CMTM8: variants seen among roughly 807,000 people sequenced by gnomAD.
CMTM8 encodes CKLF like MARVEL transmembrane domain containing 8.
In CMTM8, 12 loss-of-function variants were observed where a neutral mutation model predicts 18.6. The observed-to-expected ratio is 0.65, with a 90% CI of 0.41 to 1.05. CMTM8 has a LOEUF of 1.05. Ranked by LOEUF, CMTM8 falls within the 50% of genes least tolerant of loss-of-function variation. The pLI is 0.00. For synonymous variants in CMTM8, 87 were observed against 90.6 expected (o/e 0.96, Z 0.23); for missense variants, 217 against 227.2 (o/e 0.95, Z 0.29).
intron 1 of CMTM8, among the ~76,000 whole-genome samples, chr3:32,339,740 G>A (rs1178413541): frequency 4.6e-5 from 7 of 152,144 alleles, no homozygotes; most frequent in African/African-American, 1.7e-4. Context: ...GAGGCGGGCG[G>A]ATCATGAGGT....
intron 1 of CMTM8, among the ~76,000 whole-genome samples, chr3:32,327,034 C>T (rs999497397): frequency 1.3e-5 from 2 of 151,940 alleles, no homozygotes; most frequent in African/African-American, 4.8e-5. Context: ...TTCTTGTATA[C>T]ACTGGCCTTG....
At chr3:32,357,620 C>G in intron 2 of CMTM8, 74 bp downstream of exon 2, 11 of 1,432,454 alleles carry the variant, frequency 7.7e-6, no homozygotes, top group Non-Finnish European at 9.6e-6. Flanking sequence ...CTAGTCAATC[C>G]AAGACTGTCT....
chr3:32,306,393 G>A (rs912563718), intron 1 of CMTM8, among the ~76,000 whole-genome samples: 1 of 152,210 alleles, frequency 6.6e-6, no homozygotes, highest in Non-Finnish European at 1.5e-5. Flanking sequence ...GATTCAAAGT[G>A]TGGGGAAATA....
chr3:32,331,534 T>C (rs1287451670), intron 1 of CMTM8, among the ~76,000 whole-genome samples: 1 of 141,282 alleles, frequency 7.1e-6, no homozygotes, highest in African/African-American at 2.6e-5. Flanking sequence ...AAAAAAACAA[T>C]GAACAAATAA....
At chr3:32,338,184 A>G (rs1696425031) in intron 1 of CMTM8, among the ~76,000 whole-genome samples, 1 of 151,950 alleles carries the variant, frequency 6.6e-6, no homozygotes, top group Non-Finnish European at 1.5e-5. Flanking sequence ...GGGTTTCACC[A>G]TGTTGGTTGG....
chr3:32,247,101 A>C (rs961074702), intron 1 of CMTM8, among the ~76,000 whole-genome samples: 1 of 152,222 alleles, frequency 6.6e-6, no homozygotes, highest in African/African-American at 2.4e-5. Flanking sequence ...ACTATGTCCC[A>C]AAAAATAAAA....
At chr3:32,328,378 A>T (rs1559380950) in intron 1 of CMTM8, among the ~76,000 whole-genome samples, 1 of 92,630 alleles carries the variant, frequency 1.1e-5, no homozygotes, top group Non-Finnish European at 2.6e-5. Context: ...TCCAAAAAAA[A>T]AAAAAAAAAA....
intron 2 of CMTM8, among the ~76,000 whole-genome samples, chr3:32,365,287 A>G (rs1347913563): frequency 6.6e-6 from 1 of 150,476 alleles, no homozygotes; most frequent in Admixed American, 6.6e-5. Context: ...CTGGGTAAAA[A>G]TAAGCCGGTA....
At chr3:32,333,985 T>G (rs1024280571) in intron 1 of CMTM8, among the ~76,000 whole-genome samples, 2 of 151,932 alleles carry the variant, frequency 1.3e-5, no homozygotes, top group African/African-American at 2.4e-5. Flanking sequence ...CTTTTCTTTT[T>G]TTTTTTCTTC....
In CMTM8 at chr3:32,284,566, T is replaced by C. The variant is rs538997623; in HGVS notation, c.147+45447T>C. 3.3e-5 allele frequency among the ~76,000 whole-genome samples: 5 copies of C among 152,312 alleles called. No individual in the cohort carries two copies. In the East Asian group the frequency reaches 9.6e-4, roughly 29 times the overall value. ...CCGAGTAGCCAACTATATAGTATCA[T>C]TTAAAAGTGGACATAGGACTTTGAG... is the stretch of plus-strand genomic sequence containing the variant. On this transcript the variant is annotated intron_variant, in intron 1 of 3. Coordinates refer to ENST00000307526, the MANE Select transcript of CMTM8 (RefSeq NM_178868.5).
chr3:32,260,694 C>T (rs1310890610), intron 1 of CMTM8, among the ~76,000 whole-genome samples: 1 of 150,080 alleles, frequency 6.7e-6, no homozygotes, highest in African/African-American at 2.5e-5. Flanking sequence ...CCTGTTTTCA[C>T]ATGTTTATAT....
At chr3:32,298,387 T>C (rs1695525548) in intron 1 of CMTM8, among the ~76,000 whole-genome samples, 1 of 151,662 alleles carries the variant, frequency 6.6e-6, no homozygotes, top group Non-Finnish European at 1.5e-5. Context: ...TTAAAAACTC[T>C]ATATAAATAT....
intron 1 of CMTM8, among the ~76,000 whole-genome samples, chr3:32,263,661 G>C (rs1044297158): frequency 6.6e-6 from 1 of 152,168 alleles, no homozygotes; most frequent in Non-Finnish European, 1.5e-5. Flanking sequence ...CGAGCTAAAG[G>C]AGGAAGTTCG....
At chr3:32,353,004 C>T (rs538348073) in intron 1 of CMTM8, among the ~76,000 whole-genome samples, 1 of 152,132 alleles carries the variant, frequency 6.6e-6, no homozygotes, top group Non-Finnish European at 1.5e-5. Flanking sequence ...GTTTTTGAGA[C>T]AGAGTCTCGC....
Position 32,355,111 on chromosome 3 carries a change from G to A in CMTM8, c.148-2262G>A, listed in dbSNP as rs118042919. Among the ~76,000 whole-genome samples, 22 of 152,284 alleles carry A rather than the reference G, an allele frequency of 1.4e-4. No homozygotes were observed. In the East Asian group the frequency reaches 4.3e-3, roughly 29 times the overall value. On this transcript the variant is annotated intron_variant, in intron 1 of 3. Coordinates refer to ENST00000307526, the MANE Select transcript of CMTM8 (RefSeq NM_178868.5). Reference sequence around the variant, plus strand: ...GGCACAGGCACCAAAACTGTACCAGGAAAGTGGCTTCTCTCGGGAAGCAGT... The same window carrying A: ...GGCACAGGCACCAAAACTGTACCAGAAAAGTGGCTTCTCTCGGGAAGCAGT...
At chr3:32,256,256 A>G (rs1376898283) in intron 1 of CMTM8, among the ~76,000 whole-genome samples, 1 of 151,582 alleles carries the variant, frequency 6.6e-6, no homozygotes, top group African/African-American at 2.4e-5. Flanking sequence ...TTTTGTAGAG[A>G]TAGGAGTCTC....
chr3:32,286,736 T>C (rs187061737), intron 1 of CMTM8, among the ~76,000 whole-genome samples: 241 of 152,026 alleles, frequency 1.6e-3, no homozygotes, highest in Admixed American at 2.8e-3. Flanking sequence ...ACATATAAAA[T>C]ACACTAACAC....
intron 1 of CMTM8, among the ~76,000 whole-genome samples, chr3:32,347,297 G>GTTTTTTTTTTTTTTTTTTTTTTTT (rs56826485): frequency 7.3e-6 from 1 of 136,534 alleles, no homozygotes; most frequent in Non-Finnish European, 1.5e-5. Flanking sequence ...TTTTGCTTAG[G>GTTTTTTTTTTTTTTTTTTTTTTTT]TTTTTTTTTT....
intron 1 of CMTM8, among the ~76,000 whole-genome samples, chr3:32,330,828 A>G (rs1465124485): frequency 1.3e-5 from 2 of 152,234 alleles, no homozygotes; most frequent in Admixed American, 6.5e-5. Flanking sequence ...GACACCATGT[A>G]TAAAAATTAA....
Sources: allele counts gnomAD v4.1 joint callset (sites outside exome capture counted in the v4.1 genomes callset), GRCh38; gene constraint gnomAD v4.1.1; transcripts MANE v1.5; gene names NCBI Gene and HGNC (gene_info 2026-07-23, HGNC 2026-07-21).